Variants in PRKG1 observed in about 807,000 individuals in gnomAD.
PRKG1 encodes the protein protein kinase cGMP-dependent 1.
In PRKG1, 35 loss-of-function variants were observed where a neutral mutation model predicts 88.1. The observed-to-expected ratio is 0.40, with a 90% CI of 0.30 to 0.53. PRKG1 has a LOEUF of 0.53. PRKG1 is among the 20% of genes least tolerant of loss of function. The pLI is 0.59. For missense variants in PRKG1, 540 were observed against 839.8 expected (o/e 0.64, Z 4.41); for synonymous variants, 303 against 292.5 (o/e 1.04, Z -0.37).
chr10:51,532,328 T>C (rs1351904644), intron 3 of PRKG1, among the ~76,000 whole-genome samples: 4 of 152,210 alleles, frequency 2.6e-5, no homozygotes, highest in Admixed American at 6.5e-5. Flanking sequence ...GCTTCTCACA[T>C]CCCTGACTCT....
chr10:52,010,106 A>G (rs1226222178), intron 5 of PRKG1, among the ~76,000 whole-genome samples: 3 of 152,128 alleles, frequency 2.0e-5, no homozygotes, highest in Non-Finnish European at 2.9e-5. Flanking sequence ...TCTGGACAAA[A>G]GAATGGGCAA....
chr10:51,226,123 G>C (rs576228213), intron 2 of PRKG1, among the ~76,000 whole-genome samples: 1 of 152,160 alleles, frequency 6.6e-6, no homozygotes, highest in East Asian at 1.9e-4. Context: ...AGAATTACTT[G>C]AACCCGGGAT....
intron 5 of PRKG1, among the ~76,000 whole-genome samples, chr10:51,944,241 T>C (rs1207895338): frequency 6.6e-6 from 1 of 152,084 alleles, no homozygotes; most frequent in African/African-American, 2.4e-5. Flanking sequence ...TTTATTTGCA[T>C]AGAGGTGTTT....
intron 9 of PRKG1, among the ~76,000 whole-genome samples, chr10:52,228,388 C>T (rs1292809733): frequency 2.6e-5 from 4 of 152,056 alleles, no homozygotes; most frequent in Non-Finnish European, 4.4e-5. Flanking sequence ...GAGACCTGAA[C>T]TAAAGGAGAG....
At chr10:52,150,934 A>C (rs1215942776) in intron 8 of PRKG1, among the ~76,000 whole-genome samples, 1 of 152,216 alleles carries the variant, frequency 6.6e-6, no homozygotes, top group Non-Finnish European at 1.5e-5. Flanking sequence ...TGATATGTCT[A>C]TATAAACTAG....
intron 3 of PRKG1, chr10:51,698,875 A>G (rs770253904): frequency 6.2e-7 from 1 of 1,614,026 alleles, no homozygotes; most frequent in South Asian, 1.1e-5. Context: ...GCAGAACATT[A>G]GGTCCTGGGC....
intron 3 of PRKG1, among the ~76,000 whole-genome samples, chr10:51,482,545 C>G (rs1005227747): frequency 5.9e-5 from 9 of 152,238 alleles, no homozygotes; most frequent in Non-Finnish European, 1.3e-4. Context: ...GTAACAATGG[C>G]TTCTAGTCTT....
intron 5 of PRKG1, among the ~76,000 whole-genome samples, chr10:51,918,274 AC>A (rs747373956): frequency 9.9e-5 from 15 of 151,580 alleles, no homozygotes; most frequent in Non-Finnish European, 1.6e-4. Context: ...AACTTCTCCC[AC>A]CCCTGACTCT....
intron 1 of PRKG1, among the ~76,000 whole-genome samples, chr10:51,132,035 T>A (rs1459754543): frequency 6.6e-6 from 1 of 152,162 alleles, no homozygotes; most frequent in East Asian, 1.9e-4. Flanking sequence ...AGCCCACCCC[T>A]CTGTCTTAGC....
At chr10:51,698,527 A>T in intron 3 of PRKG1, 1 of 1,614,138 alleles carries the variant, frequency 6.2e-7, no homozygotes. Flanking sequence ...CTGAAAGCAA[A>T]GTCCCTCCAC....
intron 1 of PRKG1, among the ~76,000 whole-genome samples, chr10:51,060,702 T>C (rs916728145): frequency 5.9e-5 from 9 of 152,224 alleles, no homozygotes; most frequent in Non-Finnish European, 1.0e-4. Context: ...TACTTACATT[T>C]TCTTTAAATC....
chr10:52,033,834 G>A (rs979995113), intron 5 of PRKG1, among the ~76,000 whole-genome samples: 1 of 152,092 alleles, frequency 6.6e-6, no homozygotes, highest in African/African-American at 2.4e-5. Context: ...CCGGGTGCAG[G>A]CGGACTGAGT....
intron 3 of PRKG1, among the ~76,000 whole-genome samples, chr10:51,525,931 T>C (rs1028572802): frequency 3.3e-5 from 5 of 152,018 alleles, no homozygotes; most frequent in Non-Finnish European, 7.4e-5. Flanking sequence ...GTTCAAGCGA[T>C]TCTACTGCTT....
At chr10:51,691,999 T>G (rs1841156681) in intron 3 of PRKG1, among the ~76,000 whole-genome samples, 1 of 152,204 alleles carries the variant, frequency 6.6e-6, no homozygotes, top group African/African-American at 2.4e-5. Context: ...TGATGATTGA[T>G]AAGCATAAAA....
At chr10:51,657,823 G>T (rs1041618069) in intron 3 of PRKG1, among the ~76,000 whole-genome samples, 10 of 152,146 alleles carry the variant, frequency 6.6e-5, no homozygotes, top group Non-Finnish European at 1.0e-4. Context: ...GTGAGATTTA[G>T]CAGACGGGAC....
intron 3 of PRKG1, chr10:51,698,544 C>T (rs922713648): frequency 6.8e-6 from 11 of 1,614,000 alleles, no homozygotes; most frequent in Non-Finnish European, 9.3e-6. Context: ...CCACGTGGGT[C>T]ATTTGGAGCA....
intron 3 of PRKG1, among the ~76,000 whole-genome samples, chr10:51,796,610 G>A (rs919605755): frequency 6.6e-6 from 1 of 152,082 alleles, no homozygotes; most frequent in African/African-American, 2.4e-5. Context: ...ATATTTAAAA[G>A]GTACTGTGCT....
intron 7 of PRKG1, among the ~76,000 whole-genome samples, chr10:52,066,294 A>G (rs11000664): frequency 0.016 from 2,477 of 152,260 alleles, 72 homozygotes; most frequent in African/African-American, 0.056. Flanking sequence ...AAAATTTGCT[A>G]ATATTATGTC....
At chr10:50,999,983 G>A (rs115723046) in intron 1 of PRKG1, among the ~76,000 whole-genome samples, 2,572 of 152,236 alleles carry the variant, frequency 0.017, 37 homozygotes, top group South Asian at 0.041. Context: ...TATCTAGAAC[G>A]TATTAAAAAA....
Sources: gnomAD v4.1 joint callset for allele counts (sites outside exome capture counted in the v4.1 genomes callset) on GRCh38, gnomAD v4.1.1 for gene constraint, MANE v1.5 for transcripts, NCBI Gene and HGNC (gene_info 2026-07-23, HGNC 2026-07-21) for gene names.